The following ADGRB3 variants were observed in gnomAD, a reference collection of about 807,000 sequenced individuals.
ADGRB3 encodes brain-specific angiogenesis inhibitor 3.
ADGRB3 carries 37 observed loss-of-function variants against 193.4 expected under a neutral mutation model. That is an observed-to-expected ratio of 0.19 (90% CI 0.15 to 0.25). The LOEUF (loss-of-function observed/expected upper bound fraction) is 0.25, where lower values mean the gene tolerates loss of function less well. Ranked by LOEUF, ADGRB3 falls within the 10% of genes least tolerant of loss-of-function variation. The pLI is 1.00. For synonymous variants in ADGRB3, 690 were observed against 644.2 expected, an observed-to-expected ratio of 1.07 and a Z score of -1.08; for missense variants, 1,637 against 1,852.9, an observed-to-expected ratio of 0.88 and a Z score of 2.14.
rs549202091 is a variant in ADGRB3 at position 68,852,325 on chromosome 6, G to C, written c.758-78234G>C. Among the ~76,000 whole-genome samples the C allele has an allele frequency of 5.3e-4, 80 of 151,704 alleles. No homozygotes were observed. In the Middle Eastern group the frequency reaches 0.014, roughly 26 times the overall value. On this transcript the variant is annotated intron_variant, in intron 3 of 31. Coordinates refer to ENST00000370598, the MANE Select transcript of ADGRB3 (RefSeq NM_001704.3). ...ACAGATGAAAGCATTTTTGTAATTG[G>C]GCTCAGAAGTGTTTAAATTGCTAAA... is the stretch of plus-strand genomic sequence containing the variant.
chr6:68,818,872 C>T (rs905422523), intron 3 of ADGRB3, among the ~76,000 whole-genome samples: 3 of 152,010 alleles, frequency 2.0e-5, no homozygotes, highest in Non-Finnish European at 2.9e-5. Flanking sequence ...AAAAGCAACT[C>T]CCTGAGGAAA....
At chr6:69,214,976 A>G (rs1027580489) in intron 17 of ADGRB3, among the ~76,000 whole-genome samples, 1 of 152,126 alleles carries the variant, frequency 6.6e-6, no homozygotes, top group African/African-American at 2.4e-5. Flanking sequence ...CAAGAAAGGC[A>G]AAACATCACT....
chr6:69,385,019 T>A (rs1770036950), intron 31 of ADGRB3, among the ~76,000 whole-genome samples: 1 of 150,866 alleles, frequency 6.6e-6, no homozygotes. Flanking sequence ...CAAATGATGG[T>A]AATTATGTAG....
At chr6:69,226,383 A>G (rs1230775515) in intron 17 of ADGRB3, among the ~76,000 whole-genome samples, 1 of 152,250 alleles carries the variant, frequency 6.6e-6, no homozygotes, top group African/African-American at 2.4e-5. Context: ...TTATTCAACC[A>G]ATATTTATTA....
chr6:68,979,622 C>T (rs1477834315), intron 10 of ADGRB3, among the ~76,000 whole-genome samples: 1 of 151,352 alleles, frequency 6.6e-6, no homozygotes, highest in African/African-American at 2.4e-5. Context: ...ATTTGATACT[C>T]TGGAGTATTT....
intron 3 of ADGRB3, among the ~76,000 whole-genome samples, chr6:68,869,924 A>C (rs1394457250): frequency 2.6e-5 from 4 of 152,064 alleles, no homozygotes; most frequent in Non-Finnish European, 5.9e-5. Context: ...GATTATAGGC[A>C]CAGGCCACCA....
At chr6:68,750,327 G>A (rs572241978) in intron 3 of ADGRB3, among the ~76,000 whole-genome samples, 1 of 152,116 alleles carries the variant, frequency 6.6e-6, no homozygotes, top group African/African-American at 2.4e-5. Flanking sequence ...TACAATCTAT[G>A]TGACTCGGGG....
chr6:69,164,202 C>T (rs948344427), intron 17 of ADGRB3, among the ~76,000 whole-genome samples: 4 of 152,106 alleles, frequency 2.6e-5, no homozygotes, highest in Admixed American at 1.3e-4. Flanking sequence ...AAGCTAAGGA[C>T]TGCCTGTGGG....
intron 3 of ADGRB3, among the ~76,000 whole-genome samples, chr6:68,828,833 C>T (rs1187639581): frequency 6.6e-6 from 1 of 152,050 alleles, no homozygotes; most frequent in African/African-American, 2.4e-5. Flanking sequence ...GACCTTAATT[C>T]CATAACCACG....
chr6:69,162,586 T>C (rs1381034095), intron 17 of ADGRB3, among the ~76,000 whole-genome samples: 1 of 152,094 alleles, frequency 6.6e-6, no homozygotes, highest in African/African-American at 2.4e-5. Context: ...TTTCTCTCTG[T>C]CTAAAAGCTT....
intron 17 of ADGRB3, among the ~76,000 whole-genome samples, chr6:69,203,630 C>G (rs1765479931): frequency 6.6e-6 from 1 of 152,070 alleles, no homozygotes; most frequent in Admixed American, 6.6e-5. Context: ...TTGGTCCCTG[C>G]CCTTTTCTGC....
intron 17 of ADGRB3, among the ~76,000 whole-genome samples, chr6:69,203,451 G>GTTT (rs5877199): frequency 1.5e-3 from 222 of 146,908 alleles, no homozygotes; most frequent in African/African-American, 5.1e-3. Context: ...CATTGTTTTT[G>GTTT]TTTTTTTTTT....
At chr6:68,794,568 G>C (rs942443418) in intron 3 of ADGRB3, among the ~76,000 whole-genome samples, 2 of 151,976 alleles carry the variant, frequency 1.3e-5, no homozygotes, top group African/African-American at 4.8e-5. Context: ...ACAACCCTTT[G>C]AAGTATTATT....
At chr6:68,844,091 C>A (rs1430629889) in intron 3 of ADGRB3, among the ~76,000 whole-genome samples, 2 of 151,968 alleles carry the variant, frequency 1.3e-5, no homozygotes, top group African/African-American at 4.8e-5. Context: ...TTGGGGAAAC[C>A]CTCTGGGACA....
In ADGRB3 at chr6:69,361,017, C is replaced by A. The variant is rs1328030716; in HGVS notation, c.3744C>A (p.Val1248=). The change falls in exon 29 of 32, where the codon GTC becomes GTA. Residue 1248 remains valine (V), a synonymous_variant. Transcript: ENST00000370598. ...STLPGNVISK[V]IIQQPTGLHM... is the part of the protein sequence containing the mutation. ...TGCCTGGAAATGTCATTTCCAAAGT[C>A]ATCATCCAGCAACCCACAGGTTTGC... The A allele has an allele frequency of 1.2e-6, 2 of 1,612,740 alleles. No individual in the cohort carries two copies. The highest frequency in any genetic ancestry group is 2.2e-5 in the East Asian group (1 of 44,818).
chr6:68,648,590 A>G (rs1030922144), intron 3 of ADGRB3, among the ~76,000 whole-genome samples: 1 of 151,088 alleles, frequency 6.6e-6, no homozygotes, highest in Non-Finnish European at 1.5e-5. Context: ...CTTAAAAATC[A>G]TTAAGAAAAT....
At chr6:69,226,899 C>T (rs1185803693) in intron 17 of ADGRB3, among the ~76,000 whole-genome samples, 1 of 152,210 alleles carries the variant, frequency 6.6e-6, no homozygotes, top group Admixed American at 6.5e-5. Flanking sequence ...ACCATTAAGA[C>T]CTCTTGAGGC....
At chr6:69,071,677 T>C (rs1210147380) in intron 16 of ADGRB3, among the ~76,000 whole-genome samples, 1 of 152,186 alleles carries the variant, frequency 6.6e-6, no homozygotes, top group Non-Finnish European at 1.5e-5. Context: ...TTTCTTTAGT[T>C]TCCAAATATG....
intron 6 of ADGRB3, among the ~76,000 whole-genome samples, chr6:68,953,275 A>G (rs1457294039): frequency 6.6e-6 from 1 of 152,174 alleles, no homozygotes; most frequent in African/African-American, 2.4e-5. Flanking sequence ...AGGACATCAC[A>G]TAGTCCTTTA....
Sources: gnomAD v4.1 joint callset for allele counts (sites outside exome capture counted in the v4.1 genomes callset) on GRCh38, gnomAD v4.1.1 for gene constraint, MANE v1.5 for transcripts, NCBI Gene and HGNC (gene_info 2026-07-23, HGNC 2026-07-21) for gene names.